ZC2HC1B: variants seen among roughly 807,000 people sequenced by gnomAD.
ZC2HC1B encodes the protein zinc finger C2HC domain-containing protein 1B.
ZC2HC1B carries 36 observed loss-of-function variants against 31.0 expected under a neutral mutation model. The ratio of observed to expected loss-of-function variants is 1.16; its 90% confidence interval spans 0.89 to 1.54. The LOEUF (loss-of-function observed/expected upper bound fraction) is 1.54. Ranked by LOEUF, ZC2HC1B falls within the 40% of genes most tolerant of loss-of-function variation. The probability of loss-of-function intolerance (pLI) is 0.00; values close to 1 mark genes in which losing one functional copy is unlikely to be tolerated. For synonymous variants in ZC2HC1B, 73 were observed against 88.0 expected (o/e 0.83, Z 0.95); for missense variants, 260 against 268.6 (o/e 0.97, Z 0.22).
chr6:143,925,831 A>G (rs1259197619), intron 6 of ZC2HC1B, among the ~76,000 whole-genome samples: 1 of 152,052 alleles, frequency 6.6e-6, no homozygotes, highest in Non-Finnish European at 1.5e-5. Context: ...CACGGTGCCC[A>G]GCCCTGATTT....
rs1488177389 is a variant in ZC2HC1B at position 143,908,556 on chromosome 6, C to T, written c.598+5404C>T. Among the ~76,000 whole-genome samples the T allele has an allele frequency of 6.6e-6, 1 of 152,146 alleles. No individual in the cohort carries two copies. ...TGTGACAATTGTGAATGGAGGTTCA[C>T]TCATGATTTGGCTCTCAGCTTGCCT... On this transcript the variant is annotated intron_variant, in intron 6 of 7. Transcript: ENST00000237275. The surrounding 1 kb of genome is among the most constrained non-coding windows in gnomAD (Gnocchi z 4.4).
At chr6:143,874,717 C>A (rs1777385745) in intron 1 of ZC2HC1B, among the ~76,000 whole-genome samples, 2 of 152,228 alleles carry the variant, frequency 1.3e-5, no homozygotes, top group African/African-American at 4.8e-5. Context: ...CCCCATGATT[C>A]AATTACCTTC....
At position 143,923,533 on chromosome 6, in the gene ZC2HC1B, A is replaced by G. The variant is rs561616287; in HGVS notation, c.599-14116A>G. On this transcript the variant is annotated intron_variant, in intron 6 of 7. Coordinates refer to ENST00000237275, the MANE Select transcript of ZC2HC1B (RefSeq NM_001013623.3). The surrounding 1 kb of genome is among the most constrained non-coding windows in gnomAD (Gnocchi z 4.8). ...GGCCACAAATTTTTTGCCTAGACCAATGTCTGAGAGCATTTTCCCTATTTT... is the reference window on the plus strand; with the variant it reads ...GGCCACAAATTTTTTGCCTAGACCAGTGTCTGAGAGCATTTTCCCTATTTT... 6.6e-6 allele frequency among the ~76,000 whole-genome samples: 1 copy of G among 152,142 alleles called. No individual in the cohort carries two copies. The highest frequency in any genetic ancestry group is 2.1e-4 in the South Asian group (1 of 4,826).
chr6:143,934,756 G>A lies in ZC2HC1B; in HGVS notation c.599-2893G>A, dbSNP rs117121705. On this transcript the variant is annotated intron_variant, in intron 6 of 7. Transcript: ENST00000237275. The surrounding 1 kb of genome is among the most constrained non-coding windows in gnomAD (Gnocchi z 4.6). ...TTCCTTAGTGACTTAAACTGCAGTT[G>A]TTATTGGAAGCTGTGGTGAGGCTTT... is the stretch of plus-strand genomic sequence containing the variant. Among the ~76,000 whole-genome samples, 1,504 of 152,326 alleles carry A rather than the reference G, an allele frequency of 9.9e-3. 10 individuals carry two copies. Among genetic ancestry groups the A allele is most frequent in the Middle Eastern group, 0.027 (8 of 294 alleles).
Position 143,908,268 on chromosome 6 carries a change from TG to T in ZC2HC1B, c.598+5117del, listed in dbSNP as rs1208456842. Reference sequence around the variant, plus strand: ...TGTCTTGACTATTTGGGCTCTGTTTTGATTTCATATGAATTTTAAAATAGTT... The same window carrying T: ...TGTCTTGACTATTTGGGCTCTGTTTTATTTCATATGAATTTTAAAATAGTT... On this transcript the variant is annotated intron_variant, in intron 6 of 7. Coordinates refer to ENST00000237275, the MANE Select transcript of ZC2HC1B (RefSeq NM_001013623.3). The surrounding 1 kb of genome is among the most constrained non-coding windows in gnomAD (Gnocchi z 4.4). Among the ~76,000 whole-genome samples the T allele has an allele frequency of 7.0e-6, 1 of 143,398 alleles. No individual in the cohort carries two copies. The highest frequency in any genetic ancestry group is 1.5e-5 in the Non-Finnish European group (1 of 66,264). The allele number at this position is 143,398 out of a possible 152,430, so 94.1% of individuals were successfully genotyped here. A position where few individuals can be genotyped will look rare whatever the true frequency, so the allele number is the denominator to read the frequency against.
intron 4 of ZC2HC1B, among the ~76,000 whole-genome samples, chr6:143,894,337 C>A (rs1777638160): frequency 6.6e-6 from 1 of 152,018 alleles, no homozygotes; most frequent in Non-Finnish European, 1.5e-5. Context: ...AAAATATTGA[C>A]TGAAAGGGGG....
In ZC2HC1B at chr6:143,870,257, G is replaced by A. The variant is rs2128493019; in HGVS notation, c.28+5690G>A. Among the ~76,000 whole-genome samples, 2 of 152,302 alleles carry A rather than the reference G, an allele frequency of 1.3e-5. No individual in the cohort carries two copies. Among genetic ancestry groups the A allele is most frequent in the Middle Eastern group, 6.8e-3 (2 of 294 alleles). On this transcript the variant is annotated intron_variant, in intron 1 of 7. Transcript: ENST00000237275. This position sits in a 1 kb window ranked among gnomAD's most constrained non-coding sequence, Gnocchi z 4.7. ...ATTTTCCCTCACCACTTTCAGGGAT[G>A]TCCTAGGAAGGGGCTGTCCTTCAGG...
intron 4 of ZC2HC1B, among the ~76,000 whole-genome samples, chr6:143,893,829 G>A (rs1777630256): frequency 1.3e-5 from 2 of 151,966 alleles, no homozygotes; most frequent in Admixed American, 6.6e-5. Flanking sequence ...TGGGACTACA[G>A]GCACCCACCA....
Position 143,923,132 on chromosome 6 carries a change from T to C in ZC2HC1B, c.599-14517T>C, listed in dbSNP as rs1188521547. 6.6e-6 allele frequency among the ~76,000 whole-genome samples: 1 copy of C among 152,158 alleles called. No homozygotes were observed. Among genetic ancestry groups the C allele is most frequent in the African/African-American group, 2.4e-5 (1 of 41,458 alleles). Reference sequence around the variant, plus strand: ...AATTATGTTGAACATTTTTTCCATATACCTGTTGTCCATTTTTAAGTCCTT... The same window carrying C: ...AATTATGTTGAACATTTTTTCCATACACCTGTTGTCCATTTTTAAGTCCTT... On this transcript the variant is annotated intron_variant, in intron 6 of 7. Transcript: ENST00000237275. This position sits in a 1 kb window ranked among gnomAD's most constrained non-coding sequence, Gnocchi z 4.8.
chr6:143,885,777 T>A lies in ZC2HC1B; in HGVS notation c.91-255T>A, dbSNP rs1340858575. 6.6e-6 allele frequency among the ~76,000 whole-genome samples: 1 copy of A among 152,246 alleles called. No homozygotes were observed. The highest frequency in any genetic ancestry group is 1.5e-5 in the Non-Finnish European group (1 of 68,048). On this transcript the variant is annotated intron_variant, in intron 2 of 7. Coordinates refer to ENST00000237275, the MANE Select transcript of ZC2HC1B (RefSeq NM_001013623.3). This position sits in a 1 kb window ranked among gnomAD's most constrained non-coding sequence, Gnocchi z 4.2. ...ACATACTGCCCACATTTGAGTTAAATATATAAACCCAAATTTGAAGTAAGT... is the reference window on the plus strand; with the variant it reads ...ACATACTGCCCACATTTGAGTTAAAAATATAAACCCAAATTTGAAGTAAGT...
chr6:143,910,848 G>A (rs1490110801), intron 6 of ZC2HC1B, among the ~76,000 whole-genome samples: 2 of 152,110 alleles, frequency 1.3e-5, no homozygotes, highest in Middle Eastern at 3.2e-3. Context: ...CCACCTCCTG[G>A]TTCAAGTGAT....
At chr6:143,902,913 T>C in intron 5 of ZC2HC1B, 131 bp from the exon 6 acceptor site, 1 of 763,902 alleles carries the variant, frequency 1.3e-6, no homozygotes, top group Non-Finnish European at 2.1e-6. Flanking sequence ...CCCCTTCCCC[T>C]GGATTCAGGG....
rs901570592 is a variant in ZC2HC1B, at chr6:143,868,927, G to A, written c.28+4360G>A. 9.2e-5 allele frequency among the ~76,000 whole-genome samples: 14 copies of A among 152,196 alleles called. No individual in the cohort carries two copies. The highest frequency in any genetic ancestry group is 2.1e-4 in the South Asian group (1 of 4,826). ...AAATGAAGATATCTTCTTAGTACACGTGTGTACATGCACAAACATGTTTTT... is the reference window on the plus strand; with the variant it reads ...AAATGAAGATATCTTCTTAGTACACATGTGTACATGCACAAACATGTTTTT... On this transcript the variant is annotated intron_variant, in intron 1 of 7. Transcript: ENST00000237275. The surrounding 1 kb of genome is among the most constrained non-coding windows in gnomAD (Gnocchi z 4.2).
chr6:143,926,953 G>GGCGCCCGCCACT (rs78536322), intron 6 of ZC2HC1B, among the ~76,000 whole-genome samples: 4 of 107,190 alleles, frequency 3.7e-5, no homozygotes, highest in East Asian at 2.3e-4. Flanking sequence ...TGGGACTACA[G>GGCGCCCGCCACT]GCGCCCGGCT....
chr6:143,909,531 T>A (rs1002780834), intron 6 of ZC2HC1B, among the ~76,000 whole-genome samples: 1 of 115,156 alleles, frequency 8.7e-6, no homozygotes, highest in African/African-American at 3.8e-5. Context: ...GGTCCTGGGC[T>A]TTTTTTTTTT....
chr6:143,928,833 T>TTTG (rs978740561), intron 6 of ZC2HC1B, among the ~76,000 whole-genome samples: 5 of 151,550 alleles, frequency 3.3e-5, no homozygotes, highest in African/African-American at 7.3e-5. Context: ...GGTTTTTTTT[T>TTTG]TTGTTCTTTT....
rs183262903 is a variant in ZC2HC1B at position 143,921,200 on chromosome 6, G to A, written c.599-16449G>A. Among the ~76,000 whole-genome samples the A allele has an allele frequency of 6.6e-6, 1 of 152,224 alleles. No homozygotes were observed. Among genetic ancestry groups the A allele is most frequent in the Admixed American group, 6.5e-5 (1 of 15,294 alleles). ...TCCTTCAGTTCTTTGCTAAAGTGTCGCCTCAGTGAGACTTCTCCAACCTCT... is the reference window on the plus strand; with the variant it reads ...TCCTTCAGTTCTTTGCTAAAGTGTCACCTCAGTGAGACTTCTCCAACCTCT... On this transcript the variant is annotated intron_variant, in intron 6 of 7. Coordinates refer to ENST00000237275, the MANE Select transcript of ZC2HC1B (RefSeq NM_001013623.3). This position sits in a 1 kb window ranked among gnomAD's most constrained non-coding sequence, Gnocchi z 6.1.
In ZC2HC1B at chr6:143,899,349, T is replaced by C. The variant is rs925252469; in HGVS notation, c.489+658T>C. On this transcript the variant is annotated intron_variant, in intron 5 of 7. Coordinates refer to ENST00000237275, the MANE Select transcript of ZC2HC1B (RefSeq NM_001013623.3). This position sits in a 1 kb window ranked among gnomAD's most constrained non-coding sequence, Gnocchi z 5.0. ...GACGTGGCTTAGATGCCATGAAAAG[T>C]TGGTCTGGATACTTTAAGTGTATAC... Among the ~76,000 whole-genome samples, 3 of 152,202 alleles carry C rather than the reference T, an allele frequency of 2.0e-5. No homozygotes were observed. Among genetic ancestry groups the C allele is most frequent in the Non-Finnish European group, 4.4e-5 (3 of 68,026 alleles).
chr6:143,894,467 G>A (rs776868072), intron 4 of ZC2HC1B, among the ~76,000 whole-genome samples: 2 of 151,600 alleles, frequency 1.3e-5, no homozygotes, highest in African/African-American at 2.4e-5. Context: ...TTAGTTGTGT[G>A]TAAATTATTC....
Sources: allele counts gnomAD v4.1 joint callset (sites outside exome capture counted in the v4.1 genomes callset), GRCh38; gene constraint gnomAD v4.1.1; non-coding constraint Gnocchi (gnomAD v3.1); transcripts MANE v1.5; gene names NCBI Gene and HGNC (gene_info 2026-07-23, HGNC 2026-07-21).